Variants in GAN observed in about 807,000 individuals in gnomAD.
GAN encodes the protein epididymis secretory sperm binding protein.
GAN carries 48 observed loss-of-function variants against 71.3 expected under a neutral mutation model. That is an observed-to-expected ratio of 0.67 (90% CI 0.53 to 0.86). GAN has a LOEUF of 0.86. GAN is among the 40% of genes least tolerant of loss of function. The pLI, the probability that GAN is intolerant of heterozygous loss-of-function variation, is 0.00. For missense variants in GAN, 928 were observed against 770.1 expected, an observed-to-expected ratio of 1.21 and a Z score of -2.43; for synonymous variants, 386 against 276.8, an observed-to-expected ratio of 1.39 and a Z score of -3.92.
chr16:81,377,157 T>C, intron 9 of GAN, 62 bp from the exon 10 acceptor site: 3 of 983,980 alleles, frequency 3.0e-6, no homozygotes, highest in Non-Finnish European at 5.0e-6. Context: ...TGTGTCAGTC[T>C]TCCTAGATGT....
chr16:81,369,321 A>T (rs1042148534), intron 9 of GAN, among the ~76,000 whole-genome samples: 1 of 152,190 alleles, frequency 6.6e-6, no homozygotes, highest in African/African-American at 2.4e-5. Context: ...AACCAGAAAC[A>T]ATACTGCATC....
At chr16:81,352,693 A>G (rs1910339089) in intron 2 of GAN, among the ~76,000 whole-genome samples, 1 of 151,924 alleles carries the variant, frequency 6.6e-6, no homozygotes, top group African/African-American at 2.4e-5. Context: ...ATCCTTTTTG[A>G]AGGTTTTGGT....
chr16:81,389,999 C>G lies in GAN; in HGVS notation c.*12403C>G, dbSNP rs1904516635. The G allele has an allele frequency of 6.6e-6, 1 of 152,134 alleles. No homozygotes were observed. Among genetic ancestry groups the G allele is most frequent in the Admixed American group, 6.5e-5 (1 of 15,278 alleles). The allele number at this position is 152,134 out of a possible 1,614,324, so 9.4% of individuals were successfully genotyped here. ...ACATGGGACCTGCAGAATAGTATTTCTTTTAAATCCTGCAACTTTATTATC... is the reference window on the plus strand; with the variant it reads ...ACATGGGACCTGCAGAATAGTATTTGTTTTAAATCCTGCAACTTTATTATC... On this transcript the variant is annotated 3_prime_UTR_variant, in exon 11 of 11. Transcript: ENST00000648994.
chr16:81,377,909 A>G lies in GAN; in HGVS notation c.*313A>G, dbSNP rs982622812. ...GCTATCATGTAAAATATCAAAGTTAAAATACTAAGGTGCATTTTCCCTGAA... is the reference window on the plus strand; with the variant it reads ...GCTATCATGTAAAATATCAAAGTTAGAATACTAAGGTGCATTTTCCCTGAA... On this transcript the variant is annotated 3_prime_UTR_variant, in exon 11 of 11. Transcript: ENST00000648994. 1.3e-5 allele frequency: 5 copies of G among 399,392 alleles called. No individual in the cohort carries two copies. The highest frequency in any genetic ancestry group is 2.3e-5 in the Non-Finnish European group (5 of 214,448). The allele number at this position is 399,392 out of a possible 1,614,324, so 24.7% of individuals were successfully genotyped here. A position where few individuals can be genotyped will look rare whatever the true frequency, so the allele number is the denominator to read the frequency against.
intron 1 of GAN, among the ~76,000 whole-genome samples, chr16:81,339,957 T>C (rs1308913255): frequency 6.6e-6 from 1 of 152,180 alleles, no homozygotes; most frequent in Non-Finnish European, 1.5e-5. Context: ...AGCAATTCAT[T>C]TTTTCATGGG....
intron 5 of GAN, among the ~76,000 whole-genome samples, chr16:81,359,671 TC>T (rs1211259354): frequency 6.6e-6 from 1 of 152,100 alleles, no homozygotes; most frequent in South Asian, 2.1e-4. Context: ...GTACAGTAGA[TC>T]CCCCTTATCA....
At chr16:81,351,560 T>G in intron 1 of GAN, 23 bp from the exon 2 acceptor site, 1 of 938,492 alleles carries the variant, frequency 1.1e-6, no homozygotes, top group Non-Finnish European at 1.8e-6. Context: ...CATAGAAATT[T>G]TACATTTTTT....
At chr16:81,335,827 A>G (rs1354739804) in intron 1 of GAN, among the ~76,000 whole-genome samples, 2 of 152,062 alleles carry the variant, frequency 1.3e-5, no homozygotes, top group Non-Finnish European at 2.9e-5. Flanking sequence ...TTTGGTGAGT[A>G]AAAACCGTAA....
At chr16:81,374,062 C>G (rs899966279) in intron 9 of GAN, among the ~76,000 whole-genome samples, 4 of 152,164 alleles carry the variant, frequency 2.6e-5, no homozygotes, top group Admixed American at 6.5e-5. Flanking sequence ...CTTTCCTTGA[C>G]TCTCATGACC....
chr16:81,336,269 CTCT>C (rs1300308282), intron 1 of GAN, among the ~76,000 whole-genome samples: 1 of 152,150 alleles, frequency 6.6e-6, no homozygotes, highest in Non-Finnish European at 1.5e-5. Flanking sequence ...TGTGGAAATG[CTCT>C]TCTTCCATGT....
chr16:81,340,031 C>A (rs571889554), intron 1 of GAN, among the ~76,000 whole-genome samples: 1 of 152,158 alleles, frequency 6.6e-6, no homozygotes, highest in African/African-American at 2.4e-5. Context: ...CAGGAAGTCT[C>A]TTATTCCTTC....
chr16:81,376,036 A>G (rs1046102856), intron 9 of GAN, among the ~76,000 whole-genome samples: 1 of 152,010 alleles, frequency 6.6e-6, no homozygotes, highest in Non-Finnish European at 1.5e-5. Context: ...GCTCAACATC[A>G]TTGGTCTTCA....
At chr16:81,343,978 C>T (rs1376784273) in intron 1 of GAN, among the ~76,000 whole-genome samples, 1 of 151,266 alleles carries the variant, frequency 6.6e-6, no homozygotes, top group Admixed American at 6.6e-5. Context: ...CAATAACAGA[C>T]AACAGCCAAA....
At chr16:81,316,266 G>A (rs1479659351) in intron 1 of GAN, among the ~76,000 whole-genome samples, 1 of 152,162 alleles carries the variant, frequency 6.6e-6, no homozygotes, top group Non-Finnish European at 1.5e-5. Context: ...GCTAGTGGTA[G>A]AGAATATCAC....
In GAN at chr16:81,377,436, G is replaced by T. The variant is rs746486469; in HGVS notation, c.1634G>T (p.Arg545Leu). 1.2e-6 allele frequency: 2 copies of T among 1,614,006 alleles called. No homozygotes were observed. Among genetic ancestry groups the T allele is most frequent in the Non-Finnish European group, 1.7e-6 (2 of 1,179,894 alleles). The change falls in exon 11 of 11, where the codon CGT becomes CTT. Residue 545 changes from arginine (R) to leucine (L), a missense_variant. Transcript: ENST00000648994. ...TTAGGTACCAATTACGACTACGTGC[G>T]TGAGTTTAAAAGAAGCACAGGAACC... ...LDTGTNYDYVREFKRSTGTWH... is the reference protein window; with the variant it reads ...LDTGTNYDYVLEFKRSTGTWH...
At chr16:81,328,313 C>G (rs903113231) in intron 1 of GAN, among the ~76,000 whole-genome samples, 1 of 152,164 alleles carries the variant, frequency 6.6e-6, no homozygotes, top group African/African-American at 2.4e-5. Flanking sequence ...CGTCTTTTTA[C>G]TTGAATTCAT....
At chr16:81,362,765 C>A (rs1910719780) in intron 6 of GAN, among the ~76,000 whole-genome samples, 154 bp downstream of exon 6, 1 of 152,182 alleles carries the variant, frequency 6.6e-6, no homozygotes, top group Non-Finnish European at 1.5e-5. Context: ...CGGCTCTCCT[C>A]CCCTTCCTGG....
Position 81,358,038 on chromosome 16 carries a change from C to T in GAN, c.973+107C>T, listed in dbSNP as rs577403513. On this transcript the variant is annotated intron_variant, in intron 5 of 10. Coordinates refer to ENST00000648994, the MANE Select transcript of GAN (RefSeq NM_022041.4). ...TTTTAAAGATACAATTTTATTATCT[C>T]TACATGACATTTTTAGTGTAGTTCT... is the stretch of plus-strand genomic sequence containing the variant. 6 of 974,558 alleles carry T rather than the reference C, an allele frequency of 6.2e-6. No individual in the cohort carries two copies. The South Asian group carries it at 8.0e-5, about 13-fold the overall frequency. The allele number at this position is 974,558 out of a possible 1,614,324, so 60.4% of individuals were successfully genotyped here.
At chr16:81,336,763 C>T (rs957633895) in intron 1 of GAN, among the ~76,000 whole-genome samples, 5 of 152,058 alleles carry the variant, frequency 3.3e-5, no homozygotes, top group Admixed American at 6.5e-5. Flanking sequence ...TAGGTGTGAG[C>T]CACCATGCCA....
Sources: gnomAD v4.1 joint callset for allele counts (sites outside exome capture counted in the v4.1 genomes callset) on GRCh38, gnomAD v4.1.1 for gene constraint, MANE v1.5 for transcripts, NCBI Gene and HGNC (gene_info 2026-07-23, HGNC 2026-07-21) for gene names.